Variants in IL1RAPL1 observed in about 807,000 individuals in gnomAD.
IL1RAPL1 encodes the protein interleukin 1 receptor accessory protein like 1, also known as interleukin-1 receptor accessory protein-like 1.
A neutral mutation model predicts 48.4 loss-of-function variants in IL1RAPL1; 3 were observed. The observed-to-expected ratio is 0.06, with a 90% CI of 0.03 to 0.16. The LOEUF (loss-of-function observed/expected upper bound fraction) is 0.16, where lower values mean the gene tolerates loss of function less well. Ranked by LOEUF, IL1RAPL1 falls within the 10% of genes least tolerant of loss-of-function variation. IL1RAPL1 has a pLI of 1.00. For synonymous variants in IL1RAPL1, 185 were observed against 187.7 expected, an observed-to-expected ratio of 0.99 and a Z score of 0.12; for missense variants, 349 against 530.6, an observed-to-expected ratio of 0.66 and a Z score of 3.36.
At chrX:29,766,889 A>T (rs963381512) in intron 6 of IL1RAPL1, among the ~76,000 whole-genome samples, 1 of 108,270 alleles carries the variant, frequency 9.2e-6, no homozygotes, top group African/African-American at 3.3e-5. Flanking sequence ...GCTTCATCAT[A>T]TATCTTCTAA....
chrX:29,125,263 C>T (rs1487522117), intron 2 of IL1RAPL1, among the ~76,000 whole-genome samples: 2 of 112,217 alleles, frequency 1.8e-5, no homozygotes, highest in Non-Finnish European at 3.8e-5. Context: ...ATTATATCCA[C>T]CTCCTACCAA....
At chrX:29,342,152 G>GTGTGTT (rs1569290839) in intron 3 of IL1RAPL1, among the ~76,000 whole-genome samples, 1 of 95,270 alleles carries the variant, frequency 1.0e-5, no homozygotes, top group African/African-American at 4.7e-5. Context: ...GTGTGTGTGT[G>GTGTGTT]TGTTTGTTTT....
At chrX:29,947,425 C>CACTA (rs1011313873) in intron 9 of IL1RAPL1, among the ~76,000 whole-genome samples, 195 of 111,400 alleles carry the variant, frequency 1.8e-3, no homozygotes, top group African/African-American at 6.2e-3. Context: ...ACACTGTAAT[C>CACTA]ACTAACACGA....
At chrX:29,564,626 A>G in intron 5 of IL1RAPL1, among the ~76,000 whole-genome samples, 1 of 112,917 alleles carries the variant, frequency 8.9e-6, no homozygotes, top group East Asian at 2.8e-4. Context: ...CCACAATTGG[A>G]TTAATGGTAG....
rs184544507 is a variant in IL1RAPL1, at chrX:28,704,291, C to A, written c.-24-85029C>A. ...TCCCTTTTTTTTCATTTTTCTCCAA[C>A]CTTAGGGAATCATAGTTTCTTTTCT... On this transcript the variant is annotated intron_variant, in intron 1 of 10. Coordinates refer to ENST00000378993, the MANE Select transcript of IL1RAPL1 (RefSeq NM_014271.4). Among the ~76,000 whole-genome samples the A allele has an allele frequency of 3.3e-4, 36 of 109,645 alleles. No homozygotes were observed. In the East Asian group the frequency reaches 9.7e-3, roughly 30 times the overall value.
intron 5 of IL1RAPL1, among the ~76,000 whole-genome samples, chrX:29,562,111 ATCTAATCTATCTATCTATCTATCTATCT>A (rs1922244494): frequency 4.9e-5 from 3 of 60,723 alleles, no homozygotes; most frequent in Non-Finnish European, 9.1e-5. Flanking sequence ...CTATCTATCT[ATCTAATCTATCTATCTATCTATCTATCT>A]ATCTATCTAT....
chrX:29,873,426 T>C (rs1459941016), intron 6 of IL1RAPL1, among the ~76,000 whole-genome samples: 1 of 104,878 alleles, frequency 9.5e-6, no homozygotes, highest in Non-Finnish European at 1.9e-5. Context: ...TGCAATAATA[T>C]TAAAAAGTGA....
At chrX:29,327,011 C>T (rs1023082430) in intron 3 of IL1RAPL1, among the ~76,000 whole-genome samples, 1 of 111,796 alleles carries the variant, frequency 8.9e-6, no homozygotes, top group Non-Finnish European at 1.9e-5. Flanking sequence ...CTGTCTTTTA[C>T]ATTCCCCTCT....
chrX:28,914,117 AT>A (rs1353322158), intron 2 of IL1RAPL1, among the ~76,000 whole-genome samples: 1 of 111,181 alleles, frequency 9.0e-6, no homozygotes, highest in Non-Finnish European at 1.9e-5. Flanking sequence ...ATATTTCTAC[AT>A]TTTTTATGTG....
At position 29,913,393 on chromosome X, in the gene IL1RAPL1, T is replaced by TAC. The variant is rs775944840; in HGVS notation, c.779-4059_779-4058dup. ...TTTCTCTGTGTGGGTGACACAGTGA[T>TAC]ACACACACACACATATATACACATA... On this transcript the variant is annotated intron_variant, in intron 6 of 10. Transcript: ENST00000378993. Among the ~76,000 whole-genome samples, 591 of 105,940 alleles carry TAC rather than the reference T, an allele frequency of 5.6e-3. 11 individuals carry two copies. Among genetic ancestry groups the TAC allele is most frequent in the African/African-American group, 0.019 (556 of 28,577 alleles). 92.0% of individuals were successfully genotyped at this position (105,940 alleles called of 115,157 possible). A position where few individuals can be genotyped will look rare whatever the true frequency, so the allele number is the denominator to read the frequency against.
chrX:29,793,509 C>T (rs574581191), intron 6 of IL1RAPL1, among the ~76,000 whole-genome samples: 1 of 111,924 alleles, frequency 8.9e-6, no homozygotes, highest in South Asian at 3.7e-4. Flanking sequence ...AATCTATTAA[C>T]AGAGTGTCAA....
chrX:28,771,768 G>A (rs1046107576), intron 1 of IL1RAPL1, among the ~76,000 whole-genome samples: 2 of 110,036 alleles, frequency 1.8e-5, no homozygotes, highest in African/African-American at 3.3e-5. Flanking sequence ...GTAGGCCAAT[G>A]GATAATACCA....
intron 2 of IL1RAPL1, among the ~76,000 whole-genome samples, chrX:29,186,060 A>T (rs940989175): frequency 8.9e-5 from 10 of 112,261 alleles, no homozygotes; most frequent in African/African-American, 3.2e-4. Context: ...ACTCACTGTT[A>T]ATAGGTGTTT....
intron 2 of IL1RAPL1, among the ~76,000 whole-genome samples, chrX:29,234,500 T>C (rs1398243124): frequency 1.8e-5 from 2 of 111,993 alleles, no homozygotes; most frequent in Admixed American, 1.9e-4. Context: ...GATAGAGTTT[T>C]GTTCAAAGCT....
At chrX:29,915,906 C>G (rs1469534612) in intron 6 of IL1RAPL1, among the ~76,000 whole-genome samples, 3 of 53,968 alleles carry the variant, frequency 5.6e-5, no homozygotes, top group Admixed American at 2.4e-4. Context: ...CCCCTCCCCC[C>G]ACCCCACCAC....
At chrX:29,204,835 C>T (rs759556961) in intron 2 of IL1RAPL1, among the ~76,000 whole-genome samples, 29 of 111,779 alleles carry the variant, frequency 2.6e-4, no homozygotes, top group South Asian at 1.1e-3. Context: ...GATGATTACA[C>T]TTCAAAGGGA....
chrX:28,789,490 C>A, intron 2 of IL1RAPL1, 65 bp downstream of exon 2: 2 of 793,934 alleles, frequency 2.5e-6, no homozygotes, highest in African/African-American at 2.0e-5. Flanking sequence ...TACATCTACA[C>A]ATGTGCCATT....
intron 6 of IL1RAPL1, among the ~76,000 whole-genome samples, chrX:29,727,549 C>T (rs4829283): frequency 0.11 from 12,519 of 111,342 alleles, 596 homozygotes; most frequent in Middle Eastern, 0.3. Context: ...GCCATGGGGT[C>T]ATTAAAATGT....
chrX:28,653,336 G>A (rs181078064), intron 1 of IL1RAPL1, among the ~76,000 whole-genome samples: 1 of 110,392 alleles, frequency 9.1e-6, no homozygotes, highest in African/African-American at 3.3e-5. Context: ...TTAGCCAGGC[G>A]TGGTGGCAGG....
Sources: gnomAD v4.1 joint callset for allele counts (sites outside exome capture counted in the v4.1 genomes callset) on GRCh38, gnomAD v4.1.1 for gene constraint, MANE v1.5 for transcripts, NCBI Gene and HGNC (gene_info 2026-07-23, HGNC 2026-07-21) for gene names.